Variants in KCNN3 observed in about 807,000 individuals in gnomAD.
KCNN3 encodes potassium calcium-activated channel subfamily N member 3.
In KCNN3, 16 loss-of-function variants were observed where a neutral mutation model predicts 62.9. That is an observed-to-expected ratio of 0.25 (90% CI 0.17 to 0.39). The LOEUF is 0.39. KCNN3 is among the 10% of genes least tolerant of loss of function. KCNN3 has a pLI of 1.00. For missense variants in KCNN3, 599 were observed against 949.4 expected, an observed-to-expected ratio of 0.63 and a Z score of 4.85; for synonymous variants, 370 against 389.2, an observed-to-expected ratio of 0.95 and a Z score of 0.58.
chr1:154,771,527 T>C (rs968542833), intron 3 of KCNN3, among the ~76,000 whole-genome samples: 3 of 152,286 alleles, frequency 2.0e-5, no homozygotes, highest in African/African-American at 4.8e-5. Flanking sequence ...AAGGTACCAA[T>C]AGTGCTTTAT....
At chr1:154,761,870 G>A (rs1648031605) in intron 3 of KCNN3, among the ~76,000 whole-genome samples, 1 of 152,128 alleles carries the variant, frequency 6.6e-6, no homozygotes, top group Non-Finnish European at 1.5e-5. Context: ...AACCCGGGAG[G>A]TGGTGGCTGC....
At chr1:154,811,180 T>C (rs1198094350) in intron 2 of KCNN3, among the ~76,000 whole-genome samples, 1 of 152,082 alleles carries the variant, frequency 6.6e-6, no homozygotes, top group Non-Finnish European at 1.5e-5. Context: ...CCCGTGACGT[T>C]AGGGCGATGG....
At position 154,699,971 on chromosome 1, in the gene KCNN3, A is replaced by G. The variant is rs988045359; in HGVS notation, c.*8005T>C. Reference sequence around the variant, plus strand: ...GCTATTTAGGTAAGACCGGAAAAAGACTATCTCTTATTGACTTTATTATGT... The same window carrying G: ...GCTATTTAGGTAAGACCGGAAAAAGGCTATCTCTTATTGACTTTATTATGT... On this transcript the variant is annotated 3_prime_UTR_variant, in exon 8 of 8. Transcript: ENST00000271915. The G allele has an allele frequency of 4.6e-5, 7 of 152,200 alleles. No individual in the cohort carries two copies. The highest frequency in any genetic ancestry group is 2.1e-4 in the South Asian group (1 of 4,828). 9.4% of individuals were successfully genotyped at this position (152,200 alleles called of 1,614,324 possible). A position where few individuals can be genotyped will look rare whatever the true frequency, so the allele number is the denominator to read the frequency against.
intron 1 of KCNN3, among the ~76,000 whole-genome samples, chr1:154,855,544 A>G (rs1390808955): frequency 6.6e-6 from 1 of 152,236 alleles, no homozygotes; most frequent in Non-Finnish European, 1.5e-5. Context: ...GATTGCCTAC[A>G]GTATTCAATA....
intron 3 of KCNN3, among the ~76,000 whole-genome samples, chr1:154,763,484 C>T (rs1427583508): frequency 6.6e-6 from 1 of 152,150 alleles, no homozygotes; most frequent in Non-Finnish European, 1.5e-5. Flanking sequence ...TCAAGTGATC[C>T]TCCCACCTCA....
In KCNN3 at chr1:154,869,950, C is replaced by T. The variant is rs764241408; in HGVS notation, c.15G>A (p.Gly5=). Residue 5 remains glycine, a synonymous_variant, in exon 1 of 8, where the codon GGG becomes GGA. Transcript: ENST00000271915. The surrounding 1 kb of genome is among the most constrained non-coding windows in gnomAD (Gnocchi z 6.1). ...CCCCCACCCCCGAGTCATGGAAGTG[C>T]CCAGAAGTGTCCATCTTGGGGCCTG... MDTS[G]HFHDSGVGDL... 3.0e-5 allele frequency: 48 copies of T among 1,610,836 alleles called. No individual in the cohort carries two copies. The highest frequency in any genetic ancestry group is 3.7e-5 in the Non-Finnish European group (44 of 1,178,658).
intron 1 of KCNN3, among the ~76,000 whole-genome samples, chr1:154,844,720 AG>A (rs1651977870): frequency 6.6e-6 from 1 of 152,220 alleles, no homozygotes; most frequent in South Asian, 2.1e-4. Context: ...TGAGGAAACT[AG>A]GGGGCCAGTT....
intron 2 of KCNN3, among the ~76,000 whole-genome samples, chr1:154,795,941 T>C (rs1001504857): frequency 2.0e-5 from 3 of 151,728 alleles, no homozygotes; most frequent in African/African-American, 7.3e-5. Context: ...CCCTGGGGAG[T>C]CTAGACTGTA....
chr1:154,724,875 G>C (rs1333942765), intron 5 of KCNN3, among the ~76,000 whole-genome samples: 1 of 131,304 alleles, frequency 7.6e-6, no homozygotes, highest in African/African-American at 2.8e-5. Context: ...TTTTTTTTTT[G>C]AGATGGAGTC....
intron 1 of KCNN3, among the ~76,000 whole-genome samples, chr1:154,864,740 C>G (rs1027119241): frequency 3.3e-5 from 5 of 152,216 alleles, no homozygotes; most frequent in African/African-American, 1.2e-4. Context: ...GCAACGAGGC[C>G]AGGCAGGGGC....
intron 3 of KCNN3, among the ~76,000 whole-genome samples, chr1:154,737,602 A>C (rs1382277868): frequency 6.6e-6 from 1 of 152,208 alleles, no homozygotes; most frequent in Non-Finnish European, 1.5e-5. Flanking sequence ...AGAACTCTTG[A>C]AGGAAAAATC....
At chr1:154,715,051 G>T in intron 5 of KCNN3, 48 bp from the exon 6 acceptor site, 1 of 1,610,428 alleles carries the variant, frequency 6.2e-7, no homozygotes, top group Non-Finnish European at 8.5e-7. Context: ...CATTTTCTTA[G>T]GTTCATTTTT....
intron 2 of KCNN3, among the ~76,000 whole-genome samples, chr1:154,773,793 G>T (rs1307958957): frequency 1.3e-5 from 2 of 152,222 alleles, no homozygotes; most frequent in Non-Finnish European, 2.9e-5. Context: ...CTGAGCCCCT[G>T]CCAGACCTGA....
At chr1:154,744,218 T>C (rs968084085) in intron 3 of KCNN3, among the ~76,000 whole-genome samples, 20 of 72,470 alleles carry the variant, frequency 2.8e-4, no homozygotes, top group Non-Finnish European at 2.7e-5. Flanking sequence ...CAATAAATAC[T>C]TGTCCAATGA....
chr1:154,816,338 A>G (rs1453615505), intron 2 of KCNN3, among the ~76,000 whole-genome samples: 1 of 152,218 alleles, frequency 6.6e-6, no homozygotes, highest in African/African-American at 2.4e-5. Flanking sequence ...GCCAAGAACC[A>G]CAATTTGAAA....
chr1:154,820,671 C>G (rs1318611463), intron 2 of KCNN3, among the ~76,000 whole-genome samples: 1 of 152,206 alleles, frequency 6.6e-6, no homozygotes, highest in Non-Finnish European at 1.5e-5. Flanking sequence ...GGACAATGGT[C>G]TGAGTTAAAG....
chr1:154,760,788 C>T (rs1217846238), intron 3 of KCNN3, among the ~76,000 whole-genome samples: 2 of 152,190 alleles, frequency 1.3e-5, no homozygotes, highest in Non-Finnish European at 2.9e-5. Context: ...CTCCACCTGC[C>T]CGCACGCCGG....
intron 4 of KCNN3, among the ~76,000 whole-genome samples, chr1:154,728,494 G>C (rs1045872012): frequency 6.6e-6 from 1 of 152,072 alleles, no homozygotes; most frequent in African/African-American, 2.4e-5. Context: ...ATAAAGATGG[G>C]GCCAGACATC....
chr1:154,708,056 G>C lies in KCNN3; in HGVS notation c.2116C>G (p.His706Asp). Residue 706 changes from histidine to aspartate, a missense_variant, in exon 8 of 8, where the codon CAC becomes GAC. His to Asp is a moderately conservative substitution (Grantham distance 81). Around this residue, in one of 7 missense-constraint regions of KCNN3, gnomAD observed 52 missense variants for 53.3 expected, o/e 0.98. Coordinates refer to ENST00000271915, the MANE Select transcript of KCNN3 (RefSeq NM_002249.6). ...ATGGGGCTATCGGAGATTGGGGTGT[G>C]GGTGGTGCCCACTGCCACGCTGACA... Reference protein sequence around the residue: ...RGVSVAVGTTHTPISDSPIGV... With the variant: ...RGVSVAVGTTDTPISDSPIGV... 1 of 1,613,478 alleles carries C rather than the reference G, an allele frequency of 6.2e-7. No homozygotes were observed. Among genetic ancestry groups the C allele is most frequent in the Non-Finnish European group, 8.5e-7 (1 of 1,179,524 alleles).
Sources: gnomAD v4.1 joint callset for allele counts (sites outside exome capture counted in the v4.1 genomes callset) on GRCh38, gnomAD v4.1.1 for gene constraint, gnomAD v4.1.1 regional missense constraint, Gnocchi (gnomAD v3.1) non-coding constraint, MANE v1.5 for transcripts, NCBI Gene and HGNC (gene_info 2026-07-23, HGNC 2026-07-21) for gene names.